RDX: variants seen among roughly 807,000 people sequenced by gnomAD.
The protein encoded by RDX is radixin, also known as deafness, autosomal recessive 24.
RDX carries 32 observed loss-of-function variants against 83.7 expected under a neutral mutation model. The ratio of observed to expected loss-of-function variants is 0.38; its 90% CI spans 0.29 to 0.51. The LOEUF is 0.51. Among genes scored for constraint, RDX ranks in the 20% least tolerant of loss-of-function variants. The pLI is 0.87. For missense variants in RDX, 600 were observed against 689.9 expected (o/e 0.87, Z 1.46); for synonymous variants, 229 against 222.7 (o/e 1.03, Z -0.25).
At chr11:110,243,669 G>C (rs1051672626) in intron 10 of RDX, among the ~76,000 whole-genome samples, 1 of 151,812 alleles carries the variant, frequency 6.6e-6, no homozygotes, top group Non-Finnish European at 1.5e-5. Context: ...AGTGAACCGC[G>C]ATCATGCCAC....
At chr11:110,273,032 GC>G (rs1279345635) in intron 2 of RDX, 2 of 456,296 alleles carry the variant, frequency 4.4e-6, no homozygotes, top group Admixed American at 4.7e-5. Context: ...TTTGAGACCA[GC>G]CTGGGGAACA....
intron 1 of RDX, among the ~76,000 whole-genome samples, chr11:110,285,978 A>T (rs1045599424): frequency 2.6e-5 from 4 of 152,096 alleles, no homozygotes; most frequent in Non-Finnish European, 4.4e-5. Flanking sequence ...TATCAAAGAC[A>T]CATATTTATA....
chr11:110,260,657 G>A (rs1377349343), intron 5 of RDX, among the ~76,000 whole-genome samples: 1 of 152,152 alleles, frequency 6.6e-6, no homozygotes, highest in Non-Finnish European at 1.5e-5. Flanking sequence ...TCTCAGTACA[G>A]TTGTCCCTCC....
intron 10 of RDX, among the ~76,000 whole-genome samples, chr11:110,245,758 G>A (rs1253594550): frequency 6.6e-6 from 1 of 152,056 alleles, no homozygotes; most frequent in Non-Finnish European, 1.5e-5. Flanking sequence ...AACTCCAGGA[G>A]AATAGGAACT....
intron 10 of RDX, among the ~76,000 whole-genome samples, chr11:110,242,642 A>G (rs1865146765): frequency 6.6e-6 from 1 of 152,164 alleles, no homozygotes; most frequent in Non-Finnish European, 1.5e-5. Flanking sequence ...CAGATAAGGC[A>G]ATAGCTATTT....
chr11:110,223,317 C>T (rs2134280131), intron 14 of RDX, among the ~76,000 whole-genome samples: 1 of 152,216 alleles, frequency 6.6e-6, no homozygotes, highest in Admixed American at 6.5e-5. Flanking sequence ...TGCGCCACTG[C>T]ACTCCAGCCT....
At chr11:110,180,478 G>T (rs889969035) in intron 15 of RDX, among the ~76,000 whole-genome samples, 10 of 152,180 alleles carry the variant, frequency 6.6e-5, no homozygotes, top group Middle Eastern at 6.8e-3. Flanking sequence ...CTCACGGCAG[G>T]TCTCACCCTA....
intron 1 of RDX, among the ~76,000 whole-genome samples, chr11:110,291,975 G>C (rs577007715): frequency 6.6e-6 from 1 of 151,990 alleles, no homozygotes; most frequent in Non-Finnish European, 1.5e-5. Context: ...GGGATACCCC[G>C]TATCTACAAA....
At chr11:110,292,262 C>A (rs1278933277) in intron 1 of RDX, among the ~76,000 whole-genome samples, 1 of 151,464 alleles carries the variant, frequency 6.6e-6, no homozygotes, top group Non-Finnish European at 1.5e-5. Context: ...CACTGCATTC[C>A]AGCCTGGGCA....
At chr11:110,234,068 G>A (rs1864744936) in intron 12 of RDX, among the ~76,000 whole-genome samples, 1 of 152,164 alleles carries the variant, frequency 6.6e-6, no homozygotes, top group Non-Finnish European at 1.5e-5. Context: ...TTGTCCTGGT[G>A]TAATTATGAA....
At chr11:110,215,751 TAATAAA>T (rs745446657) in intron 14 of RDX, among the ~76,000 whole-genome samples, 21 of 152,312 alleles carry the variant, frequency 1.4e-4, no homozygotes, top group Non-Finnish European at 2.9e-4. Flanking sequence ...TCACATTTTG[TAATAAA>T]AAAGATAAGG....
intron 15 of RDX, among the ~76,000 whole-genome samples, chr11:110,180,490 C>T (rs1044158650): frequency 1.3e-5 from 2 of 152,146 alleles, no homozygotes; most frequent in Non-Finnish European, 2.9e-5. Flanking sequence ...CTCACCCTAC[C>T]TTCAGTTACC....
chr11:110,204,944 C>T (rs911036671), intron 14 of RDX, among the ~76,000 whole-genome samples: 3 of 152,144 alleles, frequency 2.0e-5, no homozygotes, highest in Non-Finnish European at 4.4e-5. Context: ...AGTCAGGAGC[C>T]TATTTTACAA....
At chr11:110,197,132 T>G (rs7125423) in intron 15 of RDX, among the ~76,000 whole-genome samples, 58,903 of 152,032 alleles carry the variant, frequency 0.39, 11,660 homozygotes, top group East Asian at 0.6. Context: ...ACTCCTGAGT[T>G]CATTCAACCC....
chr11:110,266,053 A>G (rs756006927), intron 3 of RDX, among the ~76,000 whole-genome samples: 12 of 152,208 alleles, frequency 7.9e-5, no homozygotes, highest in Middle Eastern at 6.8e-3. Flanking sequence ...GGCTGTGCGC[A>G]GTGGCTCACG....
At chr11:110,294,693 T>G (rs1861375339) in intron 1 of RDX, among the ~76,000 whole-genome samples, 1 of 151,880 alleles carries the variant, frequency 6.6e-6, no homozygotes, top group Non-Finnish European at 1.5e-5. Flanking sequence ...GTAATCAATT[T>G]GACTTTCAGT....
chr11:110,199,189 T>A (rs1364392178), intron 15 of RDX, among the ~76,000 whole-genome samples: 1 of 152,186 alleles, frequency 6.6e-6, no homozygotes, highest in Non-Finnish European at 1.5e-5. Context: ...TGCACCATAA[T>A]ACTTTCATTC....
intron 15 of RDX, among the ~76,000 whole-genome samples, chr11:110,177,854 C>T (rs1311822391): frequency 6.6e-6 from 1 of 152,170 alleles, no homozygotes; most frequent in African/African-American, 2.4e-5. Flanking sequence ...TCAAATCCTT[C>T]TAACCTGTAG....
At chr11:110,236,428 T>G in intron 11 of RDX, 1 of 418,186 alleles carries the variant, frequency 2.4e-6, no homozygotes, top group Non-Finnish European at 4.3e-6. Context: ...TAATCCTGCT[T>G]TCAGTAGCAG....
Sources: allele counts gnomAD v4.1 joint callset (sites outside exome capture counted in the v4.1 genomes callset), GRCh38; gene constraint gnomAD v4.1.1; transcripts MANE v1.5; gene names NCBI Gene and HGNC (gene_info 2026-07-23, HGNC 2026-07-21).